CCNB3: variants seen among roughly 807,000 people sequenced by gnomAD.
CCNB3 encodes cyclin B3.
In CCNB3, 12 loss-of-function variants were observed where a neutral mutation model predicts 68.0. That is an observed-to-expected ratio of 0.18 (90% CI 0.11 to 0.29). The LOEUF (loss-of-function observed/expected upper bound fraction) is 0.29, where lower values mean the gene tolerates loss of function less well. CCNB3 is among the 10% of genes least tolerant of loss of function. CCNB3 has a pLI of 1.00. For synonymous variants in CCNB3, 354 were observed against 388.9 expected, an observed-to-expected ratio of 0.91 and a Z score of 1.06; for missense variants, 904 against 993.1, an observed-to-expected ratio of 0.91 and a Z score of 1.21.
intron 1 of CCNB3, among the ~76,000 whole-genome samples, chrX:50,280,992 C>T (rs1354357487): frequency 9.1e-6 from 1 of 110,097 alleles, no homozygotes; most frequent in African/African-American, 3.3e-5. Context: ...AACTCCTGTC[C>T]TCAAGCGATC....
chrX:50,336,009 C>T (rs1557218789), intron 8 of CCNB3, among the ~76,000 whole-genome samples: 1 of 110,978 alleles, frequency 9.0e-6, no homozygotes, highest in Non-Finnish European at 1.9e-5. Flanking sequence ...AGGGGGTGAC[C>T]AGGGTGGTCA....
intron 8 of CCNB3, among the ~76,000 whole-genome samples, chrX:50,314,184 T>C (rs1222796907): frequency 8.9e-6 from 1 of 112,455 alleles, no homozygotes; most frequent in Non-Finnish European, 1.9e-5. Context: ...CTGTGAGAAC[T>C]AATTGAAAGG....
Position 50,279,734 on chromosome X carries a change from G to T in CCNB3, c.-112-4808G>T, listed in dbSNP as rs1192114146. Among the ~76,000 whole-genome samples, 13 of 88,042 alleles carry T rather than the reference G, an allele frequency of 1.5e-4. No individual in the cohort carries two copies. In the East Asian group the frequency reaches 4.1e-3, roughly 27 times the overall value. 76.5% of individuals were successfully genotyped at this position (88,042 alleles called of 115,157 possible). A position where few individuals can be genotyped will look rare whatever the true frequency, so the allele number is the denominator to read the frequency against. ...TATATTCATATATGTAAATATATAT[G>T]ATTATGTATATTCATATATGTAAAT... On this transcript the variant is annotated intron_variant, in intron 1 of 12. Transcript: ENST00000376042.
Position 50,310,255 on chromosome X carries a change from T to C in CCNB3, c.2086T>C (p.Leu696=). ...GTCCCTCTTCCAGGAGGCTTTGGTC[T>C]TGCAAGAGAAGACTGATGCCGAAGA... The part of the protein sequence containing the change: ...SGSLFQEALV[L]QEKTDAEEDS... The change falls in exon 6 of 13, where the codon TTG becomes CTG. Residue 696 remains leucine (L), a synonymous_variant. Transcript: ENST00000376042. 1 of 1,210,943 alleles carries C rather than the reference T, an allele frequency of 8.3e-7. No individual in the cohort carries two copies.
intron 5 of CCNB3, among the ~76,000 whole-genome samples, chrX:50,295,261 T>C (rs145017627): frequency 2.8e-4 from 31 of 111,967 alleles, no homozygotes; most frequent in African/African-American, 9.7e-4. Context: ...TGTCTTTTAG[T>C]AATTCAGTAC....
intron 1 of CCNB3, among the ~76,000 whole-genome samples, chrX:50,280,281 A>T (rs1042701858): frequency 2.1e-5 from 2 of 97,395 alleles, no homozygotes; most frequent in Non-Finnish European, 4.0e-5. Flanking sequence ...ATATAAATAT[A>T]TGTATAGAAT....
intron 1 of CCNB3, among the ~76,000 whole-genome samples, chrX:50,227,003 A>T (rs1208424491): frequency 1.3e-5 from 1 of 76,869 alleles, no homozygotes; most frequent in East Asian, 3.8e-4. Context: ...ATATAAATAT[A>T]TAGAAAATAT....
At chrX:50,301,824 T>C (rs1936644678) in intron 5 of CCNB3, among the ~76,000 whole-genome samples, 1 of 112,798 alleles carries the variant, frequency 8.9e-6, no homozygotes. Flanking sequence ...TACTCAAGCC[T>C]GGGCAATGGC....
chrX:50,322,321 A>G lies in CCNB3; in HGVS notation c.3516+8373A>G, dbSNP rs782238514. On this transcript the variant is annotated intron_variant, in intron 8 of 12. Transcript: ENST00000376042. Reference sequence around the variant, plus strand: ...AACCTGACAAAAACAAGCAATGGGGAAAGGATTCCCTATTTAATAAATGGT... The same window carrying G: ...AACCTGACAAAAACAAGCAATGGGGGAAGGATTCCCTATTTAATAAATGGT... 4.4e-3 allele frequency among the ~76,000 whole-genome samples: 488 copies of G among 111,226 alleles called. 4 individuals carry two copies. The highest frequency in any genetic ancestry group is 0.015 in the African/African-American group (466 of 30,607).
At chrX:50,347,800 TA>T in intron 11 of CCNB3, 25 bp downstream of exon 11, 2 of 1,191,853 alleles carry the variant, frequency 1.7e-6, no homozygotes, top group South Asian at 1.8e-5. Context: ...GATAGGGGTA[TA>T]GGGGTAGAGA....
chrX:50,281,226 C>T (rs767164462), intron 1 of CCNB3, among the ~76,000 whole-genome samples: 34 of 111,718 alleles, frequency 3.0e-4, no homozygotes, highest in Admixed American at 6.7e-4. Context: ...CGTGTCGCAG[C>T]TGTGCACGCT....
At position 50,308,933 on chromosome X, in the gene CCNB3, A is replaced by G. The variant is rs782012146; in HGVS notation, c.764A>G (p.Asn255Ser). The change falls in exon 6 of 13, where the codon AAT becomes AGT. Residue 255 changes from asparagine to serine, a missense_variant. Coordinates refer to ENST00000376042, the MANE Select transcript of CCNB3 (RefSeq NM_033031.3). ...GAGTCGTTGGCTGTGCAGGATGTCA[A>G]TATGGAAGAGGATTCCTTCTTTATG... The part of the protein sequence containing the change: ...QEESLAVQDV[N>S]MEEDSFFMES... 2 of 1,211,898 alleles carry G rather than the reference A, an allele frequency of 1.7e-6. No individual in the cohort carries two copies. The highest frequency in any genetic ancestry group is 2.2e-6 in the Non-Finnish European group (2 of 895,514).
chrX:50,207,884 C>G (rs782299699), intron 1 of CCNB3, among the ~76,000 whole-genome samples: 12 of 111,064 alleles, frequency 1.1e-4, no homozygotes, highest in Non-Finnish European at 2.1e-4. Context: ...CCAGAAGAAA[C>G]CCTATACCCT....
rs192929465 is a variant in CCNB3, at chrX:50,330,224, C to A, written c.3517-11978C>A. Among the ~76,000 whole-genome samples the A allele has an allele frequency of 1.3e-3, 149 of 111,814 alleles. 1 individual carries two copies. The highest frequency in any genetic ancestry group is 3.3e-3 in the Admixed American group (35 of 10,550). ...GTACATGACTTGGGGCTGCATACACCAGTAATCAGAATGGAACGGAACAGG... is the reference window on the plus strand; with the variant it reads ...GTACATGACTTGGGGCTGCATACACAAGTAATCAGAATGGAACGGAACAGG... On this transcript the variant is annotated intron_variant, in intron 8 of 12. Coordinates refer to ENST00000376042, the MANE Select transcript of CCNB3 (RefSeq NM_033031.3).
intron 1 of CCNB3, among the ~76,000 whole-genome samples, chrX:50,220,517 T>C (rs1434630870): frequency 8.9e-6 from 1 of 112,048 alleles, no homozygotes; most frequent in Non-Finnish European, 1.9e-5. Context: ...CTGCATCTAT[T>C]GAGATAATCA....
At chrX:50,346,539 C>T in intron 9 of CCNB3, 113 bp from the exon 10 acceptor site, 2 of 767,555 alleles carry the variant, frequency 2.6e-6, no homozygotes, top group Non-Finnish European at 3.8e-6. Context: ...TCAGAGATAC[C>T]CTGAAGATTT....
chrX:50,311,583 TG>T (rs1921458947), intron 6 of CCNB3, 87 bp downstream of exon 6: 1 of 720,782 alleles, frequency 1.4e-6, no homozygotes, highest in Non-Finnish European at 2.0e-6. Flanking sequence ...TTTTTTTTTT[TG>T]TTTTTGTTTT....
chrX:50,348,665 T>C (rs782052553), intron 11 of CCNB3, among the ~76,000 whole-genome samples: 1 of 112,976 alleles, frequency 8.9e-6, no homozygotes, highest in Non-Finnish European at 1.9e-5. Flanking sequence ...AAGCACTTTG[T>C]GTATTAACTC....
chrX:50,302,440 T>G (rs1404769932), intron 5 of CCNB3, among the ~76,000 whole-genome samples: 1 of 112,117 alleles, frequency 8.9e-6, no homozygotes, highest in Non-Finnish European at 1.9e-5. Context: ...CATTAAGTCT[T>G]TATTTTTTTT....
Sources: allele counts gnomAD v4.1 joint callset (sites outside exome capture counted in the v4.1 genomes callset), GRCh38; gene constraint gnomAD v4.1.1; transcripts MANE v1.5; gene names NCBI Gene and HGNC (gene_info 2026-07-23, HGNC 2026-07-21).